FAM81A: variants seen among roughly 807,000 people sequenced by gnomAD.
The protein encoded by FAM81A is protein FAM81A.
FAM81A carries 19 observed loss-of-function variants against 46.7 expected under a neutral mutation model. The observed-to-expected ratio is 0.41, with a 90% confidence interval of 0.28 to 0.60. The LOEUF (loss-of-function observed/expected upper bound fraction) is 0.60, where lower values mean the gene tolerates loss of function less well. FAM81A is among the 20% of genes least tolerant of loss of function. The pLI is 0.34. For missense variants in FAM81A, 377 were observed against 453.5 expected (o/e 0.83, Z 1.53); for synonymous variants, 183 against 152.9 (o/e 1.20, Z -1.45).
intron 4 of FAM81A, among the ~76,000 whole-genome samples, chr15:59,506,626 G>A (rs995198458): frequency 2.0e-5 from 3 of 152,098 alleles, no homozygotes; most frequent in Admixed American, 6.6e-5. Context: ...TCTCCTATTA[G>A]GACTCGACAG....
At position 59,507,870 on chromosome 15, in the gene FAM81A, T is replaced by C. The variant is rs541188900; in HGVS notation, c.543+528T>C. ...AAGCAAAACTTTTGGCATTTCAGTT[T>C]GTTTTTTGGCCACTTAAAAGTTTCC... On this transcript the variant is annotated intron_variant, in intron 5 of 8. Coordinates refer to ENST00000288228, the MANE Select transcript of FAM81A (RefSeq NM_152450.3). 2.5e-3 allele frequency among the ~76,000 whole-genome samples: 385 copies of C among 152,372 alleles called. 3 individuals are homozygous for C. Among genetic ancestry groups the C allele is most frequent in the African/African-American group, 9.1e-3 (378 of 41,596 alleles).
At chr15:59,405,096 A>T (rs1596458026) in intron 2 of FAM81A, among the ~76,000 whole-genome samples, 1 of 152,154 alleles carries the variant, frequency 6.6e-6, no homozygotes, top group Non-Finnish European at 1.5e-5. Context: ...GCTAACATGT[A>T]ACTTCCTCAG....
chr15:59,476,619 C>G lies in FAM81A; in HGVS notation c.295-15652C>G, dbSNP rs987731740. Among the ~76,000 whole-genome samples, 6 of 151,962 alleles carry G rather than the reference C, an allele frequency of 3.9e-5. No individual in the cohort carries two copies. The South Asian group carries it at 1.2e-3, about 32-fold the overall frequency. On this transcript the variant is annotated intron_variant, in intron 3 of 8. Coordinates refer to ENST00000288228, the MANE Select transcript of FAM81A (RefSeq NM_152450.3). The stretch of plus-strand genomic sequence containing the variant: ...TGGCCAACATGATGAAACCCCATCT[C>G]TCCTAAAAATATATATAAAAATTAG...
At position 59,463,583 on chromosome 15, in the gene FAM81A, C is replaced by T. The variant is rs148916870; in HGVS notation, c.294+3377C>T. 1.4e-4 allele frequency among the ~76,000 whole-genome samples: 22 copies of T among 152,162 alleles called. No individual in the cohort carries two copies. In the East Asian group the frequency reaches 4.1e-3, roughly 28 times the overall value. ...AAAGGCTGGGTGCAGTGGCTCACAC[C>T]TGTAATCCCAGCACTTTGGGAGGCA... On this transcript the variant is annotated intron_variant, in intron 3 of 8. Transcript: ENST00000288228.
intron 2 of FAM81A, among the ~76,000 whole-genome samples, chr15:59,429,920 C>T (rs181336357): frequency 5.9e-5 from 9 of 152,148 alleles, no homozygotes; most frequent in Non-Finnish European, 8.8e-5. Flanking sequence ...AGGCAGGTGG[C>T]GAAGAGTCTT....
chr15:59,399,502 C>T (rs2081061317), intron 1 of FAM81A, among the ~76,000 whole-genome samples: 1 of 152,114 alleles, frequency 6.6e-6, no homozygotes, highest in Non-Finnish European at 1.5e-5. Flanking sequence ...CAAAAAAGGC[C>T]TCCAGAAAGA....
At chr15:59,411,887 TCAA>T (rs76002558) in intron 2 of FAM81A, among the ~76,000 whole-genome samples, 2 of 151,234 alleles carry the variant, frequency 1.3e-5, no homozygotes, top group African/African-American at 2.4e-5. Context: ...GCAATCCGTC[TCAA>T]CAACAACAAC....
intron 2 of FAM81A, among the ~76,000 whole-genome samples, chr15:59,432,110 A>G (rs2081223037): frequency 6.6e-6 from 1 of 152,184 alleles, no homozygotes; most frequent in Non-Finnish European, 1.5e-5. Context: ...TCTATTAATT[A>G]CAATTTTTAA....
chr15:59,463,897 A>C (rs1049257889), intron 3 of FAM81A, among the ~76,000 whole-genome samples: 3 of 152,134 alleles, frequency 2.0e-5, no homozygotes, highest in African/African-American at 7.2e-5. Context: ...TGATGTTTCA[A>C]TACATCTAAT....
chr15:59,492,251 G>A lies in FAM81A; in HGVS notation c.295-20G>A. 1 of 1,569,902 alleles carries A rather than the reference G, an allele frequency of 6.4e-7. No homozygotes were observed. The highest frequency in any genetic ancestry group is 8.7e-7 in the Non-Finnish European group (1 of 1,143,770). On this transcript the variant is annotated intron_variant, in intron 3 of 8. Coordinates refer to ENST00000288228, the MANE Select transcript of FAM81A (RefSeq NM_152450.3). ...CGTGAATTCTTAGATGACTCCCTTA[G>A]TGTTTTTTATGTTGCCCAGGTACTC...
At chr15:59,499,253 G>C (rs1308137741) in intron 4 of FAM81A, among the ~76,000 whole-genome samples, 2 of 152,030 alleles carry the variant, frequency 1.3e-5, no homozygotes, top group Non-Finnish European at 2.9e-5. Context: ...CAGTTTGCTA[G>C]TATTTTGTTG....
intron 2 of FAM81A, among the ~76,000 whole-genome samples, chr15:59,409,835 G>C (rs1488421513): frequency 2.6e-5 from 4 of 151,934 alleles, no homozygotes; most frequent in Non-Finnish European, 5.9e-5. Flanking sequence ...TTAGCATTTT[G>C]TTATAGAACA....
At chr15:59,513,497 G>A (rs2082235321) in intron 6 of FAM81A, among the ~76,000 whole-genome samples, 1 of 152,196 alleles carries the variant, frequency 6.6e-6, no homozygotes, top group Admixed American at 6.5e-5. Context: ...CTCGTGGGTA[G>A]GAAGCACAAT....
intron 3 of FAM81A, among the ~76,000 whole-genome samples, chr15:59,486,891 T>C (rs1339457639): frequency 4.6e-5 from 7 of 151,970 alleles, no homozygotes; most frequent in African/African-American, 1.7e-4. Flanking sequence ...CTAAAAGGAG[T>C]TCTTCAACAT....
intron 1 of FAM81A, among the ~76,000 whole-genome samples, chr15:59,441,872 G>T (rs565540027): frequency 1.3e-5 from 2 of 152,188 alleles, no homozygotes; most frequent in African/African-American, 4.8e-5. Flanking sequence ...CCCTGCCCCA[G>T]CCTCACCTCT....
At chr15:59,431,419 G>T (rs1160922315) in intron 2 of FAM81A, among the ~76,000 whole-genome samples, 1 of 152,006 alleles carries the variant, frequency 6.6e-6, no homozygotes, top group Non-Finnish European at 1.5e-5. Flanking sequence ...ATTTTTAGTA[G>T]AGTTGGGGTT....
In FAM81A at chr15:59,507,345, A is replaced by T. The variant is rs780903376; in HGVS notation, c.543+3A>T. 1.2e-5 allele frequency: 19 copies of T among 1,611,400 alleles called. No individual in the cohort carries two copies. Among genetic ancestry groups the T allele is most frequent in the Non-Finnish European group, 1.6e-5 (19 of 1,178,778 alleles). On this transcript the variant is annotated splice_donor_region_variant and intron_variant, in intron 5 of 8. Coordinates refer to ENST00000288228, the MANE Select transcript of FAM81A (RefSeq NM_152450.3). ...AAATCAAAGATGCAGAGGGACAGGT[A>T]CGACCTGTTTCAGGTAGCTTTTAGA...
chr15:59,459,227 T>A (rs564074612), intron 2 of FAM81A, among the ~76,000 whole-genome samples: 7 of 152,304 alleles, frequency 4.6e-5, no homozygotes, highest in Admixed American at 3.3e-4. Flanking sequence ...CTTAAACTCC[T>A]GGGCTCAAGC....
At position 59,522,451 on chromosome 15, in the gene FAM81A, A is replaced by G. The variant is rs2082337156; in HGVS notation, c.*1073A>G. ...AGGTATTAATCATTCAGTATTACTA[A>G]TGGAATAGAAATTCATACTTTTGTA... On this transcript the variant is annotated 3_prime_UTR_variant, in exon 9 of 9. Transcript: ENST00000288228. 2 of 152,600 alleles carry G rather than the reference A, an allele frequency of 1.3e-5. No individual in the cohort carries two copies. The highest frequency in any genetic ancestry group is 4.8e-5 in the African/African-American group (2 of 41,476). 9.5% of individuals were successfully genotyped at this position (152,600 alleles called of 1,614,324 possible).
Sources: gnomAD v4.1 joint callset for allele counts (sites outside exome capture counted in the v4.1 genomes callset) on GRCh38, gnomAD v4.1.1 for gene constraint, MANE v1.5 for transcripts, NCBI Gene and HGNC (gene_info 2026-07-23, HGNC 2026-07-21) for gene names.